COL5A2: variants seen among roughly 807,000 people sequenced by gnomAD.
COL5A2 encodes the protein collagen type V alpha 2 chain, also known as collagen alpha-2(V) chain.
COL5A2 carries 23 observed loss-of-function variants against 208.2 expected under a neutral mutation model. That is an observed-to-expected ratio of 0.11 (90% CI 0.08 to 0.16). The LOEUF is 0.16. Ranked by LOEUF, COL5A2 falls within the 10% of genes least tolerant of loss-of-function variation. The pLI is 1.00. For missense variants in COL5A2, 1,590 were observed against 1,956.4 expected, an observed-to-expected ratio of 0.81 and a Z score of 3.53; for synonymous variants, 625 against 628.5, an observed-to-expected ratio of 0.99 and a Z score of 0.08.
chr2:189,160,525 C>T (rs972804057), intron 1 of COL5A2, among the ~76,000 whole-genome samples: 2 of 152,142 alleles, frequency 1.3e-5, no homozygotes, highest in African/African-American at 4.8e-5. Context: ...CCTCACTGGA[C>T]TCTACATCCT....
At chr2:189,160,450 G>A (rs1033914555) in intron 1 of COL5A2, among the ~76,000 whole-genome samples, 1 of 151,880 alleles carries the variant, frequency 6.6e-6, no homozygotes, top group Non-Finnish European at 1.5e-5. Context: ...TCCTCTTTAT[G>A]GAGCTTTTTT....
intron 53 of COL5A2, 122 bp downstream of exon 53, chr2:189,034,794 C>G (rs1685409070): frequency 2.7e-6 from 3 of 1,129,080 alleles, no homozygotes; most frequent in Non-Finnish European, 3.9e-6. Flanking sequence ...TGACTATAAA[C>G]AAACTGCTAT....
At chr2:189,039,895 T>G (rs1685522452) in intron 50 of COL5A2, among the ~76,000 whole-genome samples, 3 of 152,202 alleles carry the variant, frequency 2.0e-5, no homozygotes, top group Non-Finnish European at 4.4e-5. Context: ...TATGTTCATT[T>G]GCAAACTATT....
At chr2:189,072,150 G>A in intron 17 of COL5A2, 57 bp from the exon 18 acceptor site, 1 of 1,250,996 alleles carries the variant, frequency 8.0e-7, no homozygotes, top group Non-Finnish European at 1.2e-6. Flanking sequence ...ATCTAATTAG[G>A]TCATTTTTTA....
At chr2:189,295,267 T>C in the COL5A2 span, among the ~76,000 whole-genome samples, 2 of 152,114 alleles carry the variant, frequency 1.3e-5, no homozygotes, top group Admixed American at 1.3e-4. Flanking sequence ...TGAGAAATGA[T>C]TCTGTTTATC....
chr2:189,264,972 T>C, the COL5A2 span, among the ~76,000 whole-genome samples: 4 of 152,148 alleles, frequency 2.6e-5, no homozygotes, highest in South Asian at 4.1e-4. Flanking sequence ...TCGAGGAATA[T>C]GTAAGATTGG....
At chr2:189,281,789 A>G in the COL5A2 span, among the ~76,000 whole-genome samples, 1 of 152,336 alleles carries the variant, frequency 6.6e-6, no homozygotes, top group East Asian at 1.9e-4. Flanking sequence ...GATAGCATCA[A>G]TAAGTAAGAA....
At chr2:189,189,744 G>A (rs1168930665) in intron 1 of COL5A2, among the ~76,000 whole-genome samples, 1 of 152,046 alleles carries the variant, frequency 6.6e-6, no homozygotes, top group Non-Finnish European at 1.5e-5. Flanking sequence ...AGTAATCAAT[G>A]AGTTCACATT....
the COL5A2 span, among the ~76,000 whole-genome samples, chr2:189,296,744 GA>G: frequency 6.6e-6 from 1 of 152,144 alleles, no homozygotes; most frequent in Non-Finnish European, 1.5e-5. Context: ...GATAAGACTG[GA>G]ACTCCAAACT....
chr2:189,329,874 C>A, the COL5A2 span, among the ~76,000 whole-genome samples: 2 of 149,186 alleles, frequency 1.3e-5, no homozygotes, highest in African/African-American at 2.5e-5. Flanking sequence ...TCACTCTAAC[C>A]AATACAAAAA....
At chr2:189,064,247 A>G (rs1019216300) in intron 25 of COL5A2, among the ~76,000 whole-genome samples, 2 of 137,790 alleles carry the variant, frequency 1.5e-5, no homozygotes, top group Non-Finnish European at 3.1e-5. Flanking sequence ...ATATTTACAA[A>G]TATTTATAAA....
the COL5A2 span, among the ~76,000 whole-genome samples, chr2:189,423,337 A>G: frequency 9.9e-5 from 15 of 152,108 alleles, 2 homozygotes; most frequent in South Asian, 2.5e-3. Context: ...AACTAAAAAA[A>G]TAGGAAAAAA....
intron 23 of COL5A2, 97 bp from the exon 24 acceptor site, chr2:189,065,154 G>A: frequency 7.0e-6 from 8 of 1,144,438 alleles, no homozygotes; most frequent in Non-Finnish European, 7.7e-6. Flanking sequence ...AAAGTTTTAG[G>A]AGCCATCATC....
At chr2:189,047,728 ACT>A (rs932366150) in intron 45 of COL5A2, among the ~76,000 whole-genome samples, 1 of 152,174 alleles carries the variant, frequency 6.6e-6, no homozygotes, top group African/African-American at 2.4e-5. Context: ...GCCAGAAGGG[ACT>A]GGGGCTTCAG....
intron 6 of COL5A2, among the ~76,000 whole-genome samples, chr2:189,093,988 TC>T (rs1686846111): frequency 6.6e-6 from 1 of 152,204 alleles, no homozygotes; most frequent in Admixed American, 6.5e-5. Context: ...TAATCTCTGC[TC>T]CCAATGAGAG....
chr2:189,252,913 G>T, the COL5A2 span, among the ~76,000 whole-genome samples: 7 of 152,146 alleles, frequency 4.6e-5, no homozygotes, highest in African/African-American at 1.7e-4. Context: ...GACTGTGAAG[G>T]AAAATTGGAC....
chr2:189,184,501 C>CT (rs1444017636), upstream of COL5A2, among the ~76,000 whole-genome samples: 7 of 152,080 alleles, frequency 4.6e-5, no homozygotes, highest in Non-Finnish European at 8.8e-5. Context: ...TTTTGGGGTG[C>CT]TTGGGGAAAA....
chr2:189,077,465 G>T (rs1686433830), intron 16 of COL5A2, among the ~76,000 whole-genome samples: 1 of 152,146 alleles, frequency 6.6e-6, no homozygotes, highest in South Asian at 2.1e-4. Flanking sequence ...GAGAAATAGT[G>T]CTGACATGGG....
At chr2:189,177,826 T>C (rs1332748483) in intron 1 of COL5A2, among the ~76,000 whole-genome samples, 2 of 152,230 alleles carry the variant, frequency 1.3e-5, no homozygotes, top group Non-Finnish European at 2.9e-5. Flanking sequence ...TTTTAAAATA[T>C]GGCTTATTTC....
Sources: allele counts gnomAD v4.1 joint callset (sites outside exome capture counted in the v4.1 genomes callset), GRCh38; gene constraint gnomAD v4.1.1; transcripts MANE v1.5; gene names NCBI Gene and HGNC (gene_info 2026-07-23, HGNC 2026-07-21).